KALRN: variants seen among roughly 807,000 people sequenced by gnomAD.
KALRN encodes the protein kalirin RhoGEF kinase.
A neutral mutation model predicts 353.7 loss-of-function variants in KALRN; 70 were observed. The observed-to-expected ratio is 0.20, with a 90% CI of 0.16 to 0.24. The LOEUF is 0.24. KALRN is among the 10% of genes least tolerant of loss of function. The probability of loss-of-function intolerance (pLI) is 1.00; values close to 1 mark genes in which losing one functional copy is unlikely to be tolerated. For missense variants in KALRN, 2,791 were observed against 3,756.7 expected, an observed-to-expected ratio of 0.74 and a Z score of 6.72; for synonymous variants, 1,391 against 1,434.8, an observed-to-expected ratio of 0.97 and a Z score of 0.69.
intron 25 of KALRN, among the ~76,000 whole-genome samples, chr3:124,467,820 G>A (rs759144024): frequency 2.0e-5 from 3 of 152,118 alleles, no homozygotes; most frequent in Non-Finnish European, 4.4e-5. Flanking sequence ...AGGAGAGAGA[G>A]CTAGGTGGAT....
At chr3:124,431,334 T>G (rs3772756) in intron 16 of KALRN, among the ~76,000 whole-genome samples, 12,202 of 152,276 alleles carry the variant, frequency 0.08, 613 homozygotes, top group East Asian at 0.19. Flanking sequence ...TAGAACAGTA[T>G]TTAAAGAATA....
intron 32 of KALRN, among the ~76,000 whole-genome samples, chr3:124,493,570 T>C (rs1436092651): frequency 6.6e-6 from 1 of 151,992 alleles, no homozygotes; most frequent in Non-Finnish European, 1.5e-5. Context: ...TTCACGTACA[T>C]TTTGAAGAAA....
At chr3:124,593,082 C>T (rs2669922) in intron 34 of KALRN, among the ~76,000 whole-genome samples, 1 of 151,944 alleles carries the variant, frequency 6.6e-6, no homozygotes, top group Admixed American at 6.5e-5. Context: ...TCTTTTACAG[C>T]ATCTGGTGTG....
At chr3:124,375,871 G>C (rs1186393780) in intron 10 of KALRN, among the ~76,000 whole-genome samples, 1 of 152,104 alleles carries the variant, frequency 6.6e-6, no homozygotes, top group Non-Finnish European at 1.5e-5. Context: ...AAAGAAAAGG[G>C]ATCAGTGAAA....
chr3:124,339,006 T>G (rs899352521), intron 9 of KALRN, among the ~76,000 whole-genome samples: 1 of 152,200 alleles, frequency 6.6e-6, no homozygotes, highest in Non-Finnish European at 1.5e-5. Context: ...TATCAGGCCG[T>G]GTTCTACATT....
intron 10 of KALRN, among the ~76,000 whole-genome samples, chr3:124,349,088 C>T (rs918826384): frequency 5.9e-5 from 9 of 152,120 alleles, no homozygotes; most frequent in East Asian, 1.9e-4. Flanking sequence ...TGTCCATTGA[C>T]GGATGCATGG....
At chr3:124,099,436 A>G (rs544131495) in intron 1 of KALRN, 1 of 152,264 alleles carries the variant, frequency 6.6e-6, no homozygotes, top group East Asian at 1.9e-4. Flanking sequence ...TATATAACAC[A>G]TTTTCTTTAT....
At chr3:124,074,315 G>A (rs2060162129) in intron 1 of KALRN, among the ~76,000 whole-genome samples, 1 of 152,238 alleles carries the variant, frequency 6.6e-6, no homozygotes, top group Admixed American at 6.5e-5. Flanking sequence ...TCTAAAGCTG[G>A]AGTTCCATGC....
intron 34 of KALRN, among the ~76,000 whole-genome samples, chr3:124,622,156 T>C (rs2079343374): frequency 6.7e-6 from 1 of 148,724 alleles, no homozygotes. Context: ...TATGAATGAG[T>C]TTGCAATTAT....
intron 3 of KALRN, among the ~76,000 whole-genome samples, chr3:124,263,426 A>G (rs1021668544): frequency 6.6e-6 from 1 of 152,188 alleles, no homozygotes; most frequent in African/African-American, 2.4e-5. Context: ...ATTTTAAACC[A>G]CAAAGCTGGG....
intron 33 of KALRN, among the ~76,000 whole-genome samples, chr3:124,556,754 A>G (rs993591387): frequency 2.0e-5 from 3 of 152,230 alleles, no homozygotes; most frequent in African/African-American, 7.2e-5. Context: ...AGCAGCACTT[A>G]TGTGAGAAAC....
At chr3:124,070,465 C>A (rs1375192673) in intron 1 of KALRN, among the ~76,000 whole-genome samples, 1 of 152,308 alleles carries the variant, frequency 6.6e-6, no homozygotes, top group African/African-American at 2.4e-5. Context: ...TAGCCATGGT[C>A]TTTATGAGTC....
intron 27 of KALRN, among the ~76,000 whole-genome samples, chr3:124,479,944 C>G (rs948598507): frequency 6.6e-6 from 1 of 151,924 alleles, no homozygotes; most frequent in African/African-American, 2.4e-5. Context: ...AGGATGGTCT[C>G]GATCTCCTGA....
At chr3:124,153,452 AT>A (rs1262014218) in intron 1 of KALRN, among the ~76,000 whole-genome samples, 2 of 150,394 alleles carry the variant, frequency 1.3e-5, no homozygotes, top group Non-Finnish European at 3.0e-5. Flanking sequence ...TGAACTCATC[AT>A]TTTTTATGGC....
At chr3:124,592,309 C>CAAAAAAAAA (rs10575664) in intron 34 of KALRN, among the ~76,000 whole-genome samples, 102 of 120,560 alleles carry the variant, frequency 8.5e-4, no homozygotes, top group Middle Eastern at 4.2e-3. Context: ...CTCAAAGAAA[C>CAAAAAAAAA]AAAAAAAAAA....
chr3:124,598,941 G>C (rs2076529311), intron 34 of KALRN, among the ~76,000 whole-genome samples: 2 of 152,174 alleles, frequency 1.3e-5, no homozygotes, highest in East Asian at 3.9e-4. Context: ...CTCCCACAGT[G>C]CTGGGATTAC....
chr3:124,119,023 C>G (rs546414863), intron 1 of KALRN, among the ~76,000 whole-genome samples: 1 of 152,350 alleles, frequency 6.6e-6, no homozygotes, highest in East Asian at 1.9e-4. Context: ...GCCCAGCTTT[C>G]TTCCTTCTCT....
chr3:124,567,508 G>T (rs937733149), intron 34 of KALRN, among the ~76,000 whole-genome samples: 1 of 152,150 alleles, frequency 6.6e-6, no homozygotes, highest in African/African-American at 2.4e-5. Flanking sequence ...TTGGGGTGGG[G>T]CTGCCTTTCC....
chr3:124,604,487 T>C (rs1482751845), intron 34 of KALRN, among the ~76,000 whole-genome samples: 1 of 152,050 alleles, frequency 6.6e-6, no homozygotes, highest in Non-Finnish European at 1.5e-5. Context: ...TGGTGGAAAA[T>C]AGTTTGGGAA....
Sources: allele counts gnomAD v4.1 joint callset (sites outside exome capture counted in the v4.1 genomes callset), GRCh38; gene constraint gnomAD v4.1.1; transcripts MANE v1.5; gene names NCBI Gene and HGNC (gene_info 2026-07-23, HGNC 2026-07-21).